Variants in OLFM3 observed in about 807,000 individuals in gnomAD.
The protein encoded by OLFM3 is olfactomedin 3.
Under a neutral mutation model 48.6 loss-of-function variants are expected in OLFM3, and 20 were observed. That is an observed-to-expected ratio of 0.41 (90% CI 0.29 to 0.60). The LOEUF (loss-of-function observed/expected upper bound fraction) is 0.60. Ranked by LOEUF, OLFM3 falls within the 20% of genes least tolerant of loss-of-function variation. The pLI is 0.28. For synonymous variants in OLFM3, 222 were observed against 198.1 expected, an observed-to-expected ratio of 1.12 and a Z score of -1.01; for missense variants, 437 against 544.3, an observed-to-expected ratio of 0.80 and a Z score of 1.96.
chr1:101,986,044 C>A (rs893976912), intron 1 of OLFM3, among the ~76,000 whole-genome samples: 4 of 150,948 alleles, frequency 2.6e-5, no homozygotes, highest in Non-Finnish European at 5.9e-5. Flanking sequence ...CGGCTCACTG[C>A]AAGCTCCGCC....
At position 101,914,993 on chromosome 1, in the gene OLFM3, C is replaced by T. The variant is rs1225088428; in HGVS notation, c.70-77968G>A. Among the ~76,000 whole-genome samples, 4 of 152,134 alleles carry T rather than the reference C, an allele frequency of 2.6e-5. No individual in the cohort carries two copies. In the East Asian group the frequency reaches 7.7e-4, roughly 29 times the overall value. ...TATCTTGATTTCATTCCTCACTTGC[C>T]CTACTAAAGTATGTATATTTCAAGT... On this transcript the variant is annotated intron_variant, in intron 1 of 5. Transcript: ENST00000370103.
chr1:101,874,140 T>C (rs556796954), intron 1 of OLFM3, among the ~76,000 whole-genome samples: 90 of 152,016 alleles, frequency 5.9e-4, no homozygotes, highest in African/African-American at 2.1e-3. Context: ...TTAAAATATA[T>C]AATACTTTTA....
At chr1:101,898,096 C>T (rs578164883) in intron 1 of OLFM3, among the ~76,000 whole-genome samples, 1 of 152,088 alleles carries the variant, frequency 6.6e-6, no homozygotes, top group Non-Finnish European at 1.5e-5. Context: ...TTCACCCTTC[C>T]TTAATATTTA....
intron 1 of OLFM3, among the ~76,000 whole-genome samples, chr1:101,939,642 G>A (rs1659726503): frequency 6.6e-6 from 1 of 152,166 alleles, no homozygotes. Context: ...GGACAAAGGA[G>A]TAGACTCAAT....
At chr1:101,897,097 C>T (rs1031084220) in intron 1 of OLFM3, among the ~76,000 whole-genome samples, 1 of 152,100 alleles carries the variant, frequency 6.6e-6, no homozygotes, top group Non-Finnish European at 1.5e-5. Flanking sequence ...TAGATAATTT[C>T]TCCACATTTT....
chr1:101,900,922 T>C (rs546678928), intron 1 of OLFM3, among the ~76,000 whole-genome samples: 2 of 152,240 alleles, frequency 1.3e-5, no homozygotes, highest in Admixed American at 6.5e-5. Context: ...TTTAAATAAA[T>C]TGTTAAACCT....
chr1:101,914,089 C>T (rs914834797), intron 1 of OLFM3, among the ~76,000 whole-genome samples: 1 of 152,046 alleles, frequency 6.6e-6, no homozygotes, highest in Non-Finnish European at 1.5e-5. Flanking sequence ...TAAGCATATC[C>T]TTCCCTTTTC....
At chr1:101,955,069 C>T (rs1309325380) in intron 1 of OLFM3, among the ~76,000 whole-genome samples, 1 of 151,926 alleles carries the variant, frequency 6.6e-6, no homozygotes, top group Non-Finnish European at 1.5e-5. Context: ...AATAAATTCT[C>T]CATATGGTTC....
chr1:101,990,556 C>T (rs867582543), intron 1 of OLFM3, among the ~76,000 whole-genome samples: 11 of 152,198 alleles, frequency 7.2e-5, no homozygotes, highest in African/African-American at 2.4e-4. Flanking sequence ...TAACTCACTA[C>T]GGAAAAGTTG....
intron 4 of OLFM3, among the ~76,000 whole-genome samples, chr1:101,821,729 T>C (rs1464312606): frequency 2.6e-5 from 4 of 152,136 alleles, no homozygotes; most frequent in Non-Finnish European, 2.9e-5. Context: ...TATGAAAGCA[T>C]TTATGAAATG....
intron 1 of OLFM3, among the ~76,000 whole-genome samples, chr1:101,890,063 A>G (rs969521180): frequency 6.6e-6 from 1 of 152,080 alleles, no homozygotes; most frequent in Admixed American, 6.6e-5. Flanking sequence ...ACTTGTTCAC[A>G]TCAAAAGTAT....
chr1:101,889,521 A>G (rs1004985967), intron 1 of OLFM3, among the ~76,000 whole-genome samples: 24 of 152,158 alleles, frequency 1.6e-4, no homozygotes, highest in African/African-American at 5.8e-4. Flanking sequence ...TCAAGGGGGG[A>G]GGGATAGCCT....
intron 1 of OLFM3, among the ~76,000 whole-genome samples, chr1:101,937,547 A>T (rs1287764193): frequency 6.6e-6 from 1 of 152,142 alleles, no homozygotes; most frequent in Non-Finnish European, 1.5e-5. Flanking sequence ...TTTTATAAGA[A>T]GGAGTTTCTC....
intron 1 of OLFM3, among the ~76,000 whole-genome samples, chr1:101,965,493 A>G (rs1438599131): frequency 6.6e-6 from 1 of 152,194 alleles, no homozygotes; most frequent in Non-Finnish European, 1.5e-5. Context: ...ATTGTGTAAA[A>G]TTAGCTATCC....
chr1:101,952,198 TAAAG>T (rs1660163558), intron 1 of OLFM3, among the ~76,000 whole-genome samples: 1 of 152,134 alleles, frequency 6.6e-6, no homozygotes, highest in Non-Finnish European at 1.5e-5. Context: ...CCTGCCTCTA[TAAAG>T]AAAGTATAAT....
chr1:101,947,796 C>T (rs934861169), intron 1 of OLFM3, among the ~76,000 whole-genome samples: 6 of 152,070 alleles, frequency 3.9e-5, no homozygotes, highest in African/African-American at 1.4e-4. Flanking sequence ...TTTAACTGCT[C>T]CACGGCTCTT....
intron 1 of OLFM3, among the ~76,000 whole-genome samples, chr1:101,928,776 T>A (rs2209791): frequency 0.94 from 142,382 of 152,166 alleles, 66,775 homozygotes; most frequent in Middle Eastern, 0.97. Context: ...TAAAAACCTT[T>A]TAAGTTAGGC....
At chr1:101,845,088 G>A (rs1655924315) in intron 1 of OLFM3, among the ~76,000 whole-genome samples, 1 of 151,844 alleles carries the variant, frequency 6.6e-6, no homozygotes, top group African/African-American at 2.4e-5. Context: ...ACCATTTACT[G>A]GTTTATTTTC....
chr1:101,805,882 G>A (rs1653747224), intron 5 of OLFM3, among the ~76,000 whole-genome samples, 194 bp downstream of exon 5: 1 of 151,742 alleles, frequency 6.6e-6, no homozygotes, highest in Admixed American at 6.6e-5. Flanking sequence ...TGAATTGGAA[G>A]ATGGAACATT....
Sources: gnomAD v4.1 joint callset for allele counts (sites outside exome capture counted in the v4.1 genomes callset) on GRCh38, gnomAD v4.1.1 for gene constraint, MANE v1.5 for transcripts, NCBI Gene and HGNC (gene_info 2026-07-23, HGNC 2026-07-21) for gene names.